PLEKHG6: variants seen among roughly 807,000 people sequenced by gnomAD.
The protein encoded by PLEKHG6 is pleckstrin homology domain-containing family G member 6.
PLEKHG6 carries 91 observed loss-of-function variants against 97.5 expected under a neutral mutation model. That is an observed-to-expected ratio of 0.93 (90% confidence interval 0.79 to 1.11). PLEKHG6 has a LOEUF of 1.11. Among genes scored for constraint, PLEKHG6 ranks in the 50% most tolerant of loss-of-function variants. The pLI, the probability that PLEKHG6 is intolerant of heterozygous loss-of-function variation, is 0.00. For missense variants in PLEKHG6, 1,044 were observed against 1,031.0 expected (o/e 1.01, Z -0.17); for synonymous variants, 466 against 425.5 (o/e 1.10, Z -1.17).
chr12:6,318,273 C>T (rs1295106337), intron 10 of PLEKHG6, 28 bp from the exon 11 acceptor site: 1 of 1,613,274 alleles, frequency 6.2e-7, no homozygotes, highest in African/African-American at 1.3e-5. Context: ...TGCCGAGCGC[C>T]CTGACCCCTC....
chr12:6,325,215 A>G lies in PLEKHG6; in HGVS notation c.1525-1213A>G, dbSNP rs960442006. 9.4e-5 allele frequency among the ~76,000 whole-genome samples: 14 copies of G among 148,290 alleles called. No homozygotes were observed. In the Admixed American group the frequency reaches 9.6e-4, roughly 10 times the overall value. Reference sequence around the variant, plus strand: ...CCCAAGCCAACAACCGACCTTCTGTAACTCTTTACCCTTCAAGGCTGTCCT... The same window carrying G: ...CCCAAGCCAACAACCGACCTTCTGTGACTCTTTACCCTTCAAGGCTGTCCT... On this transcript the variant is annotated intron_variant, in intron 13 of 15. Coordinates refer to ENST00000684764, the MANE Select transcript of PLEKHG6 (RefSeq NM_001384598.1).
chr12:6,327,693 G>C lies in PLEKHG6; in HGVS notation c.2110G>C (p.Ala704Pro). 2 of 1,560,204 alleles carry C rather than the reference G, an allele frequency of 1.3e-6. No individual in the cohort carries two copies. Among genetic ancestry groups the C allele is most frequent in the Non-Finnish European group, 1.7e-6 (2 of 1,151,694 alleles). ...CTCCTCCCCAACCCATGCTGACTCT[G>C]CCGGGGAAAGCCCCTGGGAGTCCTC... Reference protein sequence around the residue: ...LPSSPTHADSAGESPWESSGE... With the variant: ...LPSSPTHADSPGESPWESSGE... Residue 704 changes from alanine (A) to proline (P), a missense_variant, in exon 15 of 16, where the codon GCC (alanine) becomes CCC (proline). Ala to Pro is a conservative substitution (Grantham distance 27). Transcript: ENST00000684764.
In PLEKHG6 at chr12:6,315,468, T is replaced by C. The variant is rs1947423413; in HGVS notation, c.460-86T>C. On this transcript the variant is annotated intron_variant, in intron 4 of 15. Coordinates refer to ENST00000684764, the MANE Select transcript of PLEKHG6 (RefSeq NM_001384598.1). The surrounding 1 kb of genome is among the most constrained non-coding windows in gnomAD (Gnocchi z 4.5). The stretch of plus-strand genomic sequence containing the variant: ...TCATGCACAAAGTGCCTAGAACCTA[T>C]GAAGTGGATCCGGTCGCACTTAACA... 2 of 874,722 alleles carry C rather than the reference T, an allele frequency of 2.3e-6. No individual in the cohort carries two copies. The highest frequency in any genetic ancestry group is 3.4e-5 in the South Asian group (2 of 59,596). 54.2% of individuals were successfully genotyped at this position (874,722 alleles called of 1,614,324 possible).
intron 13 of PLEKHG6, chr12:6,319,464 G>C: frequency 7.5e-7 from 1 of 1,335,752 alleles, no homozygotes; most frequent in East Asian, 2.5e-5. Context: ...AAAAAAAAAA[G>C]AATGTAGGAA....
chr12:6,317,671 G>C lies in PLEKHG6; in HGVS notation c.992G>C (p.Arg331Pro), dbSNP rs370748302. Reference sequence around the variant, plus strand: ...GTGCTCAAGAGGAGCCCCGAGGCACGAGCCCAAGAGGCCCTGAATGCCATG... The same window carrying C: ...GTGCTCAAGAGGAGCCCCGAGGCACCAGCCCAAGAGGCCCTGAATGCCATG... ...HAVLKRSPEA[R>P]AQEALNAMIE... Residue 331 changes from arginine to proline, a missense_variant, in exon 9 of 16, where the codon CGA (arginine) becomes CCA (proline). Coordinates refer to ENST00000684764, the MANE Select transcript of PLEKHG6 (RefSeq NM_001384598.1). The C allele has an allele frequency of 3.1e-6, 5 of 1,613,792 alleles. No homozygotes were observed. Among genetic ancestry groups the C allele is most frequent in the Non-Finnish European group, 4.2e-6 (5 of 1,180,018 alleles).
In PLEKHG6 at chr12:6,326,581, T is replaced by G. The variant is rs762822468; in HGVS notation, c.1670+8T>G. 1.9e-5 allele frequency: 28 copies of G among 1,487,486 alleles called. No homozygotes were observed. Among genetic ancestry groups the G allele is most frequent in the South Asian group, 1.5e-4 (11 of 72,096 alleles). The allele number at this position is 1,487,486 out of a possible 1,614,324, so 92.1% of individuals were successfully genotyped here. A position where few individuals can be genotyped will look rare whatever the true frequency, so the allele number is the denominator to read the frequency against. ...GAGCAGCGCAGAGGGGAGGTAAGGC[T>G]CACACGGACTACAAGGTCTCCCCGA... is the stretch of plus-strand genomic sequence containing the variant. On this transcript the variant is annotated splice_region_variant and intron_variant, in intron 14 of 15. Transcript: ENST00000684764.
chr12:6,312,300 G>T lies in PLEKHG6; in HGVS notation c.74G>T (p.Gly25Val). ...GCCTCCCGCATTGAGACTTATGGGG[G>T]CCGGCATCGAGCCTCTGCTCAGAGC... ...LVASRIETYG[G>V]RHRASAQSTA... is the part of the protein sequence containing the mutation. Residue 25 changes from glycine to valine, a missense_variant, in exon 2 of 16, where the codon GGC (glycine) becomes GTC (valine). Coordinates refer to ENST00000684764, the MANE Select transcript of PLEKHG6 (RefSeq NM_001384598.1). The T allele has an allele frequency of 6.4e-7, 1 of 1,565,976 alleles. No individual in the cohort carries two copies. The highest frequency in any genetic ancestry group is 8.6e-7 in the Non-Finnish European group (1 of 1,162,140).
intron 13 of PLEKHG6, chr12:6,319,637 G>A: frequency 6.5e-7 from 1 of 1,536,082 alleles, no homozygotes; most frequent in Non-Finnish European, 8.7e-7. Flanking sequence ...TACTGTGCCA[G>A]CCACTGGGAG....
chr12:6,312,869 G>C, intron 2 of PLEKHG6: 1 of 1,331,348 alleles, frequency 7.5e-7, no homozygotes, highest in Non-Finnish European at 9.7e-7. Flanking sequence ...CCAAGCAGAG[G>C]GGTGTGGAAG....
At position 6,318,021 on chromosome 12, in the gene PLEKHG6, G is replaced by A. The variant is rs938043025; in HGVS notation, c.1155+27G>A. 2.6e-6 allele frequency: 4 copies of A among 1,565,098 alleles called. No individual in the cohort carries two copies. In the African/African-American group the frequency reaches 5.4e-5, roughly 21 times the overall value. On this transcript the variant is annotated intron_variant, in intron 10 of 15. Transcript: ENST00000684764. ...TGAGAGGGCAAAGGGAAGGGACCCA[G>A]GAAAAGCAAGGTCCCAGGGATACTG...
At chr12:6,322,160 C>T (rs1947727103) in intron 13 of PLEKHG6, among the ~76,000 whole-genome samples, 1 of 152,166 alleles carries the variant, frequency 6.6e-6, no homozygotes, top group Non-Finnish European at 1.5e-5. Context: ...GTTTGGAACA[C>T]TGCATTGGCA....
chr12:6,316,021 G>A lies in PLEKHG6; in HGVS notation c.606+102G>A, dbSNP rs540932223. ...TCCCTGTCTGAATTCCCACTGCCCC[G>A]TTTTTTGGGATGCCTTGCCCTCCCT... On this transcript the variant is annotated intron_variant, in intron 6 of 15. Coordinates refer to ENST00000684764, the MANE Select transcript of PLEKHG6 (RefSeq NM_001384598.1). This position sits in a 1 kb window ranked among gnomAD's most constrained non-coding sequence, Gnocchi z 4.1. 2.6e-5 allele frequency: 30 copies of A among 1,156,756 alleles called. No homozygotes were observed. The highest frequency in any genetic ancestry group is 1.4e-4 in the South Asian group (9 of 66,598). The allele number at this position is 1,156,756 out of a possible 1,614,324, so 71.7% of individuals were successfully genotyped here.
chr12:6,315,660 C>CT lies in PLEKHG6; in HGVS notation c.555+12dup. On this transcript the variant is annotated intron_variant, in intron 5 of 15. Coordinates refer to ENST00000684764, the MANE Select transcript of PLEKHG6 (RefSeq NM_001384598.1). This position sits in a 1 kb window ranked among gnomAD's most constrained non-coding sequence, Gnocchi z 4.5. ...AAGATCATGACTGATGTGAGCCCCC[C>CT]TCAGCCCCAGCCCCGGCCCCATCTT... is the stretch of plus-strand genomic sequence containing the variant. The CT allele has an allele frequency of 6.5e-7, 1 of 1,542,872 alleles. No homozygotes were observed. The highest frequency in any genetic ancestry group is 1.4e-5 in the African/African-American group (1 of 73,578).
chr12:6,313,690 G>A lies in PLEKHG6; in HGVS notation c.200G>A (p.Arg67Gln), dbSNP rs373567911. ...VPFARGSGQA[R>Q]GLSPMRLRDP... is the part of the protein sequence containing the mutation. ...TTTGCCAGGGGTTCTGGCCAGGCCC[G>A]AGGCCTGTCACCCATGAGACTGCGA... Residue 67 changes from arginine (R) to glutamine (Q), a missense_variant, in exon 3 of 16, where the codon CGA becomes CAA. Physicochemically the swap from Arg to Gln is conservative, Grantham distance 43. Transcript: ENST00000684764. The A allele has an allele frequency of 6.1e-5, 98 of 1,613,706 alleles. No individual in the cohort carries two copies. Among genetic ancestry groups the A allele is most frequent in the African/African-American group, 1.5e-4 (11 of 74,926 alleles).
intron 2 of PLEKHG6, chr12:6,313,238 G>A (rs1947334890): frequency 6.7e-7 from 1 of 1,496,316 alleles, no homozygotes; most frequent in Non-Finnish European, 9.1e-7. Context: ...GACAAGGAGA[G>A]TTACGAGAGA....
intron 13 of PLEKHG6, among the ~76,000 whole-genome samples, chr12:6,325,308 A>C (rs1007639071): frequency 6.6e-6 from 1 of 151,834 alleles, no homozygotes; most frequent in Non-Finnish European, 1.5e-5. Flanking sequence ...GCTTCTCCAT[A>C]CCTGTGGCAC....
chr12:6,312,224 G>T lies in PLEKHG6; in HGVS notation c.-3G>T. Reference sequence around the variant, plus strand: ...CCTTTGGAGGTGACCCAGGAGAGAAGGGATGAAGGCCTTTGGTCCTCCACA... The same window carrying T: ...CCTTTGGAGGTGACCCAGGAGAGAATGGATGAAGGCCTTTGGTCCTCCACA... On this transcript the variant is annotated 5_prime_UTR_variant, in exon 2 of 16. In the 5' UTR this introduces an upstream ATG that the reference lacks. Coordinates refer to ENST00000684764, the MANE Select transcript of PLEKHG6 (RefSeq NM_001384598.1). 1.3e-6 allele frequency: 2 copies of T among 1,496,132 alleles called. No homozygotes were observed. The highest frequency in any genetic ancestry group is 1.8e-6 in the Non-Finnish European group (2 of 1,128,288). The allele number at this position is 1,496,132 out of a possible 1,614,324, so 92.7% of individuals were successfully genotyped here. A position where few individuals can be genotyped will look rare whatever the true frequency, so the allele number is the denominator to read the frequency against.
intron 1 of PLEKHG6, 75 bp from the exon 2 acceptor site, chr12:6,312,084 A>C: frequency 8.0e-6 from 5 of 621,156 alleles, no homozygotes; most frequent in Admixed American, 7.7e-5. Context: ...CAGGCCCCCT[A>C]CCAGCCTTGG....
In PLEKHG6 at chr12:6,315,180, A is replaced by T. The variant is rs1390551749; in HGVS notation, c.459+11A>T. The stretch of plus-strand genomic sequence containing the variant: ...GTGCCTGGGCACAAGGTGAGCCTGA[A>T]ACTCACAAGGTGAGTCTGTCCCCAC... On this transcript the variant is annotated intron_variant, in intron 4 of 15. Transcript: ENST00000684764. This position sits in a 1 kb window ranked among gnomAD's most constrained non-coding sequence, Gnocchi z 4.5. 2.5e-6 allele frequency: 4 copies of T among 1,608,074 alleles called. No individual in the cohort carries two copies. The highest frequency in any genetic ancestry group is 3.4e-6 in the Non-Finnish European group (4 of 1,178,122).
Sources: gnomAD v4.1 joint callset for allele counts (sites outside exome capture counted in the v4.1 genomes callset) on GRCh38, gnomAD v4.1.1 for gene constraint, Gnocchi (gnomAD v3.1) non-coding constraint, MANE v1.5 for transcripts, NCBI Gene and HGNC (gene_info 2026-07-23, HGNC 2026-07-21) for gene names.